The following MYO5C variants were observed in gnomAD, a reference collection of about 807,000 sequenced individuals.
MYO5C encodes the protein unconventional myosin-Vc.
MYO5C carries 194 observed loss-of-function variants against 235.7 expected under a neutral mutation model. That is an observed-to-expected ratio of 0.82 (90% CI 0.73 to 0.93). The LOEUF (loss-of-function observed/expected upper bound fraction) is 0.93. Ranked by LOEUF, MYO5C falls within the 40% of genes least tolerant of loss-of-function variation. MYO5C has a pLI of 0.00. For synonymous variants in MYO5C, 707 were observed against 754.8 expected (o/e 0.94, Z 1.04); for missense variants, 2,038 against 2,127.2 (o/e 0.96, Z 0.82).
rs146801116 is a variant in MYO5C, at chr15:52,274,677, C to G, written c.606+885G>C. Reference sequence around the variant, plus strand: ...TTTGCAGTGTTTCTTAGTACCCCCCCCCCGACATATGTTTCTATTTAATTT... The same window carrying G: ...TTTGCAGTGTTTCTTAGTACCCCCCGCCCGACATATGTTTCTATTTAATTT... On this transcript the variant is annotated intron_variant, in intron 5 of 40. Coordinates refer to ENST00000261839, the MANE Select transcript of MYO5C (RefSeq NM_018728.4). Among the ~76,000 whole-genome samples the G allele has an allele frequency of 2.5e-3, 374 of 148,966 alleles. 23 individuals are homozygous for G. In the East Asian group the frequency reaches 0.029, roughly 11 times the overall value.
chr15:52,253,548 G>A, intron 11 of MYO5C, 91 bp from the exon 12 acceptor site: 3 of 1,172,690 alleles, frequency 2.6e-6, no homozygotes, highest in East Asian at 4.8e-5. Flanking sequence ...AATGTAAATG[G>A]TTGATCTGTA....
intron 31 of MYO5C, 34 bp from the exon 32 acceptor site, chr15:52,218,721 T>A (rs2035609626): frequency 6.2e-7 from 1 of 1,607,846 alleles, no homozygotes; most frequent in Admixed American, 1.7e-5. Context: ...CTGGTATCAG[T>A]ATGACGGTCA....
At chr15:52,214,531 G>T in intron 33 of MYO5C, 72 bp downstream of exon 33, 1 of 1,136,650 alleles carries the variant, frequency 8.8e-7, no homozygotes, top group Non-Finnish European at 1.2e-6. Context: ...CTTTGGACCA[G>T]AAAGAAAATA....
chr15:52,203,177 A>G (rs1335935156), intron 38 of MYO5C, among the ~76,000 whole-genome samples: 5 of 150,938 alleles, frequency 3.3e-5, no homozygotes, highest in Non-Finnish European at 3.0e-5. Context: ...GCCCACCTCG[A>G]CCTCCCAAAG....
At chr15:52,264,840 C>T (rs1160424396) in intron 8 of MYO5C, among the ~76,000 whole-genome samples, 1 of 152,170 alleles carries the variant, frequency 6.6e-6, no homozygotes, top group Admixed American at 6.5e-5. Flanking sequence ...GAGAAGGTTC[C>T]GAGTGCGTCC....
intron 1 of MYO5C, among the ~76,000 whole-genome samples, chr15:52,294,496 T>G (rs2037457872): frequency 6.6e-6 from 1 of 152,234 alleles, no homozygotes; most frequent in African/African-American, 2.4e-5. Context: ...AGAAAAACGT[T>G]TGCTTAAACC....
chr15:52,261,597 T>C (rs1373117864), intron 9 of MYO5C, among the ~76,000 whole-genome samples: 6 of 152,178 alleles, frequency 3.9e-5, no homozygotes, highest in African/African-American at 1.4e-4. Context: ...TACCCAGGTG[T>C]TGCTGCCAGG....
At chr15:52,245,034 A>AT (rs1406492171) in intron 18 of MYO5C, among the ~76,000 whole-genome samples, 1 of 152,234 alleles carries the variant, frequency 6.6e-6, no homozygotes, top group Non-Finnish European at 1.5e-5. Flanking sequence ...CCTGGAGCCC[A>AT]TGTGGCTTGG....
chr15:52,276,910 C>T (rs2037063908), intron 4 of MYO5C, among the ~76,000 whole-genome samples: 1 of 151,986 alleles, frequency 6.6e-6, no homozygotes, highest in Admixed American at 6.6e-5. Context: ...TGGGTGAATA[C>T]AGATTCTCAT....
rs184066844 is a variant in MYO5C at position 52,256,557 on chromosome 15, C to T, written c.1395+82G>A. The stretch of plus-strand genomic sequence containing the variant: ...CCTCAAGAAAGAAGAATGCCTCTTT[C>T]CACGAACACACACACACACACACAC... On this transcript the variant is annotated intron_variant, in intron 11 of 40. Transcript: ENST00000261839. The T allele has an allele frequency of 4.8e-5, 33 of 689,300 alleles. No individual in the cohort carries two copies. The African/African-American group carries it at 1.1e-3, about 23-fold the overall frequency. 42.7% of individuals were successfully genotyped at this position (689,300 alleles called of 1,614,324 possible).
intron 5 of MYO5C, among the ~76,000 whole-genome samples, chr15:52,274,674 C>CCT (rs1555420132): frequency 2.0e-5 from 3 of 147,668 alleles, no homozygotes; most frequent in Non-Finnish European, 4.5e-5. Flanking sequence ...CTTAGTACCC[C>CCT]CCCCCCGACA....
chr15:52,230,656 C>T (rs1456415805), intron 24 of MYO5C, among the ~76,000 whole-genome samples: 2 of 151,886 alleles, frequency 1.3e-5, no homozygotes, highest in East Asian at 1.9e-4. Context: ...GTGATCTGCC[C>T]GCCTTGGCCT....
chr15:52,258,247 C>G (rs2036622084), intron 10 of MYO5C, among the ~76,000 whole-genome samples: 1 of 152,172 alleles, frequency 6.6e-6, no homozygotes, highest in African/African-American at 2.4e-5. Flanking sequence ...TGGAACCATG[C>G]TTATGGTTTT....
chr15:52,235,740 A>G lies in MYO5C; in HGVS notation c.2892T>C (p.His964=). The G allele has an allele frequency of 6.2e-7, 1 of 1,611,416 alleles. No individual in the cohort carries two copies. The highest frequency in any genetic ancestry group is 8.5e-7 in the Non-Finnish European group (1 of 1,178,566). ...CTTTCTGTGTTTCCAGTTCTGAATT[A>G]TGCTTCTGAAGCTTTGCCAATTTCT... The part of the protein sequence containing the change: ...VEEKLAKLQK[H]NSELETQKEQ... Residue 964 remains histidine, a synonymous_variant, in exon 23 of 41, where the codon CAT becomes CAC. Transcript: ENST00000261839.
At chr15:52,234,158 G>A (rs1018351888) in intron 23 of MYO5C, among the ~76,000 whole-genome samples, 6 of 152,216 alleles carry the variant, frequency 3.9e-5, no homozygotes, top group Admixed American at 1.3e-4. Flanking sequence ...GAAGCTGCTC[G>A]AATGTGATTT....
chr15:52,261,192 G>A (rs2036688409), intron 9 of MYO5C, 65 bp from the exon 10 acceptor site: 1 of 1,572,836 alleles, frequency 6.4e-7, no homozygotes, highest in Admixed American at 1.7e-5. Flanking sequence ...ATCCCACCCG[G>A]CCAAGGCCCC....
chr15:52,233,017 CGCCTG>C (rs2036000580), intron 23 of MYO5C, among the ~76,000 whole-genome samples: 1 of 13,714 alleles, frequency 7.3e-5, no homozygotes, highest in Non-Finnish European at 3.6e-3. Flanking sequence ...CGGTGGCTCA[CGCCTG>C]TAATCCCAGC....
At position 52,211,857 on chromosome 15, in the gene MYO5C, T is replaced by G; in HGVS notation, c.4169A>C (p.Asn1390Thr). 6.2e-7 allele frequency: 1 copy of G among 1,614,076 alleles called. No individual in the cohort carries two copies. Among genetic ancestry groups the G allele is most frequent in the Non-Finnish European group, 8.5e-7 (1 of 1,179,960 alleles). ...ATGAGCCGGCAGCCCGGGGATCATG[T>G]TCACCACCACGCCACGGGGCTTCAA... ...LDLKPRGVVV[N>T]MIPGLPAHIL... The change falls in exon 35 of 41, where the codon AAC (asparagine) becomes ACC (threonine). Residue 1390 changes from asparagine to threonine, a missense_variant. Physicochemically the swap from Asn to Thr is moderately conservative, Grantham distance 65. Coordinates refer to ENST00000261839, the MANE Select transcript of MYO5C (RefSeq NM_018728.4).
chr15:52,261,138 A>G lies in MYO5C; in HGVS notation c.1048-11T>C, dbSNP rs1213149731. The G allele has an allele frequency of 1.2e-6, 2 of 1,612,748 alleles. No homozygotes were observed. The highest frequency in any genetic ancestry group is 1.7e-6 in the Non-Finnish European group (2 of 1,179,332). ...GTGACTGTCATCCTCCTTCAAAAAC[A>G]AGCACAAGCCCCGTCAGGTGGCCCA... On this transcript the variant is annotated splice_polypyrimidine_tract_variant and intron_variant, in intron 9 of 40. Transcript: ENST00000261839.
Sources: gnomAD v4.1 joint callset for allele counts (sites outside exome capture counted in the v4.1 genomes callset) on GRCh38, gnomAD v4.1.1 for gene constraint, MANE v1.5 for transcripts, NCBI Gene and HGNC (gene_info 2026-07-23, HGNC 2026-07-21) for gene names.